STOX2: variants seen among roughly 807,000 people sequenced by gnomAD.
STOX2 encodes the protein storkhead box 2.
A neutral mutation model predicts 60.9 loss-of-function variants in STOX2; 28 were observed. The ratio of observed to expected loss-of-function variants is 0.46; its 90% CI spans 0.34 to 0.63. The LOEUF is 0.63. Ranked by LOEUF, STOX2 falls within the 30% of genes least tolerant of loss-of-function variation. STOX2 has a pLI of 0.01. For synonymous variants in STOX2, 472 were observed against 463.9 expected, an observed-to-expected ratio of 1.02 and a Z score of -0.22; for missense variants, 1,024 against 1,187.7, an observed-to-expected ratio of 0.86 and a Z score of 2.03.
Position 184,009,076 on chromosome 4 carries a change from C to A in STOX2, c.320-82C>A, listed in dbSNP as rs1174545840. 1.9e-5 allele frequency: 21 copies of A among 1,112,358 alleles called. No homozygotes were observed. The highest frequency in any genetic ancestry group is 2.0e-5 in the Non-Finnish European group (16 of 792,266). The allele number at this position is 1,112,358 out of a possible 1,614,324, so 68.9% of individuals were successfully genotyped here. On this transcript the variant is annotated intron_variant, in intron 2 of 3. Coordinates refer to ENST00000308497, the MANE Select transcript of STOX2 (RefSeq NM_020225.3). This position sits in a 1 kb window ranked among gnomAD's most constrained non-coding sequence, Gnocchi z 4.0. ...TCTGTGATGGTACTTCGCATCTTGG[C>A]GAATGAATAGGATCCTGGAAATCAG...
At chr4:183,864,206 G>T (rs1426731881) in intron 1 of STOX2, among the ~76,000 whole-genome samples, 2 of 152,082 alleles carry the variant, frequency 1.3e-5, no homozygotes, top group African/African-American at 4.8e-5. Flanking sequence ...ATCCTAACAT[G>T]CACTGTTATT....
chr4:183,903,366 TC>T (rs1741505012), upstream of STOX2, among the ~76,000 whole-genome samples: 1 of 152,020 alleles, frequency 6.6e-6, no homozygotes, highest in African/African-American at 2.4e-5. Flanking sequence ...TAACACCATC[TC>T]CCCCACTCTT....
intron 1 of STOX2, among the ~76,000 whole-genome samples, chr4:183,850,166 T>G (rs1416010456): frequency 6.6e-6 from 1 of 151,594 alleles, no homozygotes; most frequent in African/African-American, 2.4e-5. Flanking sequence ...AGAGACGAGG[T>G]TTCACCATGT....
At chr4:183,824,844 C>G (rs1053826887) in intron 1 of STOX2, among the ~76,000 whole-genome samples, 16 of 152,198 alleles carry the variant, frequency 1.1e-4, no homozygotes, top group African/African-American at 3.9e-4. Context: ...GGGCAGCAGA[C>G]TGTGGCGGGT....
chr4:183,840,375 A>G (rs1346842227), intron 1 of STOX2, among the ~76,000 whole-genome samples: 1 of 152,156 alleles, frequency 6.6e-6, no homozygotes, highest in Non-Finnish European at 1.5e-5. Context: ...TGAAGGAGGA[A>G]TTCTCTCGGT....
At chr4:183,800,824 A>G (rs1738746343) in intron 1 of STOX2, among the ~76,000 whole-genome samples, 1 of 152,214 alleles carries the variant, frequency 6.6e-6, no homozygotes. Context: ...CAGTGAAGAA[A>G]GGAGAGGAAC....
chr4:183,975,188 A>C (rs979089698), intron 1 of STOX2, among the ~76,000 whole-genome samples: 1 of 152,128 alleles, frequency 6.6e-6, no homozygotes, highest in Non-Finnish European at 1.5e-5. Context: ...TAGCTAAATC[A>C]GGGCTTAGAG....
At chr4:183,910,167 C>T (rs1741738068) in intron 1 of STOX2, among the ~76,000 whole-genome samples, 2 of 152,136 alleles carry the variant, frequency 1.3e-5, no homozygotes, top group South Asian at 4.2e-4. Flanking sequence ...GCCTTTTGTT[C>T]AAATCAAGAT....
intron 1 of STOX2, among the ~76,000 whole-genome samples, chr4:183,857,676 G>C (rs576037317): frequency 1.3e-5 from 2 of 152,240 alleles, no homozygotes; most frequent in East Asian, 3.9e-4. Flanking sequence ...CTGTGGAATG[G>C]AGGAACCTTC....
chr4:183,833,873 T>G (rs1739634084), intron 1 of STOX2, among the ~76,000 whole-genome samples: 1 of 150,512 alleles, frequency 6.6e-6, no homozygotes, highest in African/African-American at 2.4e-5. Flanking sequence ...TCCCAGCTAC[T>G]TGGGAGGCTG....
At chr4:183,803,098 C>G (rs1055305966) in intron 1 of STOX2, among the ~76,000 whole-genome samples, 3 of 152,190 alleles carry the variant, frequency 2.0e-5, no homozygotes, top group African/African-American at 7.2e-5. Context: ...GCAAAGAGAG[C>G]TTGTGCAAGC....
Position 183,906,829 on chromosome 4 carries a change from G to A in STOX2, c.39G>A (p.Trp13Ter). The A allele has an allele frequency of 6.4e-7, 1 of 1,557,522 alleles. No individual in the cohort carries two copies. Among genetic ancestry groups the A allele is most frequent in the Non-Finnish European group, 8.7e-7 (1 of 1,150,758 alleles). The stretch of plus-strand genomic sequence containing the variant: ...GGAGCACAACCTTGCGGCGAGCCTG[G>A]CCTAGCTCGGATTTCTCGGACCGGG... ...KTRSTTLRRA[W>*]PSSDFSDRAS... Residue 13 changes from tryptophan (W) to a stop codon, truncating the protein, a stop_gained, in exon 1 of 4, where the codon TGG (tryptophan) becomes TGA (stop). Transcript: ENST00000308497. LOFTEE classifies it high-confidence loss of function.
chr4:183,923,805 A>C (rs1474940858), intron 1 of STOX2, among the ~76,000 whole-genome samples: 2 of 152,002 alleles, frequency 1.3e-5, no homozygotes, highest in African/African-American at 4.8e-5. Flanking sequence ...TGGGGCTGTG[A>C]GGGGTGTGGC....
chr4:183,798,063 C>G (rs1465689272), intron 1 of STOX2: 2 of 1,227,576 alleles, frequency 1.6e-6, no homozygotes, highest in Non-Finnish European at 2.0e-6. Context: ...TGGGTGAGTG[C>G]GACCGCCGCG....
chr4:183,892,212 C>A (rs972104263), intron 1 of STOX2, among the ~76,000 whole-genome samples: 5 of 152,348 alleles, frequency 3.3e-5, no homozygotes, highest in African/African-American at 1.2e-4. Context: ...TCCTATGCTG[C>A]GCCTGTGAGC....
chr4:184,007,152 T>A (rs1489330922), intron 2 of STOX2, among the ~76,000 whole-genome samples: 2 of 151,388 alleles, frequency 1.3e-5, no homozygotes, highest in African/African-American at 4.9e-5. Context: ...AAAAATTAAA[T>A]AATTATATTG....
At chr4:183,824,500 G>A (rs73010528) in intron 1 of STOX2, among the ~76,000 whole-genome samples, 9,727 of 152,028 alleles carry the variant, frequency 0.064, 998 homozygotes, top group African/African-American at 0.22. Context: ...CAAATAAACA[G>A]CCACAAAGAT....
chr4:183,876,765 G>A (rs926118312), intron 1 of STOX2, among the ~76,000 whole-genome samples: 8 of 152,240 alleles, frequency 5.3e-5, no homozygotes, highest in South Asian at 4.1e-4. Flanking sequence ...TCTGCAGAGC[G>A]AGTGGGGTTG....
At chr4:183,824,301 G>T (rs932222206) in intron 1 of STOX2, among the ~76,000 whole-genome samples, 1 of 152,088 alleles carries the variant, frequency 6.6e-6, no homozygotes, top group African/African-American at 2.4e-5. Flanking sequence ...ACCTGCTAAT[G>T]TTCCTCATAT....
Sources: gnomAD v4.1 joint callset for allele counts (sites outside exome capture counted in the v4.1 genomes callset) on GRCh38, gnomAD v4.1.1 for gene constraint, Gnocchi (gnomAD v3.1) non-coding constraint, MANE v1.5 for transcripts, NCBI Gene and HGNC (gene_info 2026-07-23, HGNC 2026-07-21) for gene names.